NSD1: variants seen among roughly 807,000 people sequenced by gnomAD.
The protein encoded by NSD1 is histone-lysine N-methyltransferase, H3 lysine-36 specific.
NSD1 carries 26 observed loss-of-function variants against 242.7 expected under a neutral mutation model. The ratio of observed to expected loss-of-function variants is 0.11; its 90% CI spans 0.08 to 0.15. NSD1 has a LOEUF of 0.15. NSD1 is among the 10% of genes least tolerant of loss of function. The pLI, the probability that NSD1 is intolerant of heterozygous loss-of-function variation, is 1.00. For missense variants in NSD1, 2,495 were observed against 3,272.8 expected (o/e 0.76, Z 5.80); for synonymous variants, 1,106 against 1,178.1 (o/e 0.94, Z 1.25).
rs191015138 is a variant in NSD1, at chr5:177,223,002, A to G, written c.3796+10807A>G. On this transcript the variant is annotated intron_variant, in intron 5 of 22. Coordinates refer to ENST00000439151, the MANE Select transcript of NSD1 (RefSeq NM_022455.5). ...ATGCATTTTGAATTATTTTTTGTAT[A>G]TGGTGTGAGTGAGGGGTCCAATTTT... Among the ~76,000 whole-genome samples the G allele has an allele frequency of 3.0e-4, 46 of 151,778 alleles. No individual in the cohort carries two copies. The East Asian group carries it at 6.0e-3, about 20-fold the overall frequency.
intron 3 of NSD1, among the ~76,000 whole-genome samples, chr5:177,202,631 T>C (rs554013415): frequency 6.6e-6 from 1 of 152,230 alleles, no homozygotes; most frequent in African/African-American, 2.4e-5. Flanking sequence ...CTCCCACTTC[T>C]GCCTCCCAAA....
chr5:177,174,871 CT>C (rs377543241), intron 2 of NSD1, among the ~76,000 whole-genome samples: 45 of 89,680 alleles, frequency 5.0e-4, no homozygotes, highest in Admixed American at 1.4e-3. Context: ...CCTTATCTGA[CT>C]TTTTTTTTTT....
chr5:177,211,484 A>C lies in NSD1; in HGVS notation c.3085A>C (p.Lys1029Gln). The C allele has an allele frequency of 1.2e-6, 2 of 1,614,156 alleles. No individual in the cohort carries two copies. Among genetic ancestry groups the C allele is most frequent in the Non-Finnish European group, 1.7e-6 (2 of 1,180,026 alleles). The change falls in exon 5 of 23, where the codon AAA becomes CAA. Residue 1029 changes from lysine (K) to glutamine (Q), a missense_variant. By Grantham distance (53) the Lys-to-Gln change is moderately conservative (BLOSUM62 1). This residue lies in a region of NSD1 where 426 missense variants were observed against 411.4 expected (regional missense o/e 1.04). Transcript: ENST00000439151. ...CTGTGGACGATCAAAGCCTTCATCC[A>C]AATTGCGAGATGCTTTTTCAGCCCA... ...RNCGRSKPSS[K>Q]LRDAFSAQMV...
chr5:177,247,211 C>G (rs1400418468), intron 10 of NSD1, among the ~76,000 whole-genome samples: 1 of 152,154 alleles, frequency 6.6e-6, no homozygotes, highest in Non-Finnish European at 1.5e-5. Context: ...GGGAAGATAA[C>G]TTGAGGTTGA....
chr5:177,272,040 C>G (rs1227082977), intron 16 of NSD1, among the ~76,000 whole-genome samples: 1 of 152,106 alleles, frequency 6.6e-6, no homozygotes, highest in East Asian at 1.9e-4. Context: ...AGGAAAATCG[C>G]TGGAACCCGG....
intron 2 of NSD1, among the ~76,000 whole-genome samples, chr5:177,168,794 C>G: frequency 6.6e-6 from 1 of 152,150 alleles, no homozygotes; most frequent in East Asian, 1.9e-4. Context: ...AAAATCCATG[C>G]TTCAGGATTT....
intron 5 of NSD1, among the ~76,000 whole-genome samples, chr5:177,231,515 C>T (rs1393728274): frequency 1.3e-5 from 2 of 152,126 alleles, no homozygotes; most frequent in African/African-American, 2.4e-5. Context: ...ACAACCTCCA[C>T]CTTCCAGGTT....
At chr5:177,206,632 G>A (rs1011400191) in intron 4 of NSD1, among the ~76,000 whole-genome samples, 1 of 152,134 alleles carries the variant, frequency 6.6e-6, no homozygotes, top group African/African-American at 2.4e-5. Context: ...TACAATTGAT[G>A]CTTTAGAAAC....
chr5:177,212,407 G>A (rs1043362788), intron 5 of NSD1, among the ~76,000 whole-genome samples: 2 of 151,480 alleles, frequency 1.3e-5, no homozygotes, highest in African/African-American at 2.4e-5. Flanking sequence ...TTTACCAGAA[G>A]CCCTTTTCCC....
chr5:177,192,201 G>GTT (rs879690428), intron 3 of NSD1, among the ~76,000 whole-genome samples, 182 bp downstream of exon 3: 3 of 144,914 alleles, frequency 2.1e-5, no homozygotes, highest in Admixed American at 6.9e-5. Flanking sequence ...CCTTCTCTCA[G>GTT]TTTTTTTTTT....
Position 177,294,995 on chromosome 5 carries a change from C to A in NSD1, c.7627C>A (p.Pro2543Thr). 6.2e-7 allele frequency: 1 copy of A among 1,614,246 alleles called. No individual in the cohort carries two copies. The highest frequency in any genetic ancestry group is 8.5e-7 in the Non-Finnish European group (1 of 1,180,038). The change falls in exon 23 of 23, where the codon CCT becomes ACT. Residue 2543 changes from proline (P) to threonine (T), a missense_variant. Transcript: ENST00000439151. ...LTQARLLSQPPAKAFLYEPTT... is the reference protein window; with the variant it reads ...LTQARLLSQPTAKAFLYEPTT... ...CCAGGCCAGACTTCTTTCTCAGCCTCCTGCCAAGGCCTTTTTATATGAGCC... is the reference window on the plus strand; with the variant it reads ...CCAGGCCAGACTTCTTTCTCAGCCTACTGCCAAGGCCTTTTTATATGAGCC...
chr5:177,174,579 A>G (rs541813932), intron 2 of NSD1, among the ~76,000 whole-genome samples: 1 of 150,850 alleles, frequency 6.6e-6, no homozygotes, highest in East Asian at 2.0e-4. Flanking sequence ...TTTTTTTGAC[A>G]CGGAGTCTTG....
At chr5:177,235,122 G>A (rs1765341659) in intron 5 of NSD1, among the ~76,000 whole-genome samples, 1 of 152,200 alleles carries the variant, frequency 6.6e-6, no homozygotes, top group Non-Finnish European at 1.5e-5. Context: ...TTGCCTGTCA[G>A]TAGCACATAA....
chr5:177,158,025 C>T (rs1758280528), intron 2 of NSD1, among the ~76,000 whole-genome samples: 1 of 152,132 alleles, frequency 6.6e-6, no homozygotes, highest in African/African-American at 2.4e-5. Flanking sequence ...TTGTTTCTTC[C>T]ACTTTGTGGC....
intron 8 of NSD1, among the ~76,000 whole-genome samples, chr5:177,240,543 C>G (rs1419260409): frequency 1.3e-5 from 2 of 152,142 alleles, no homozygotes; most frequent in Admixed American, 6.5e-5. Context: ...GAAACCCCCT[C>G]TCTACTAAAA....
chr5:177,252,429 T>C (rs1055852031), intron 12 of NSD1, among the ~76,000 whole-genome samples: 1 of 149,874 alleles, frequency 6.7e-6, no homozygotes, highest in Non-Finnish European at 1.5e-5. Context: ...ACCAAAAAAG[T>C]AAAAAGATTA....
At chr5:177,190,139 G>T (rs1761546835) in intron 2 of NSD1, among the ~76,000 whole-genome samples, 1 of 151,932 alleles carries the variant, frequency 6.6e-6, no homozygotes, top group Non-Finnish European at 1.5e-5. Context: ...TAAATTTTTT[G>T]TAGAGACTGG....
At chr5:177,254,107 C>G (rs1048509196) in intron 12 of NSD1, among the ~76,000 whole-genome samples, 31 of 152,114 alleles carry the variant, frequency 2.0e-4, no homozygotes, top group African/African-American at 7.5e-4. Context: ...GCCACCACTC[C>G]TGGCTAATTT....
At chr5:177,253,737 A>G (rs551248153) in intron 12 of NSD1, among the ~76,000 whole-genome samples, 1 of 152,016 alleles carries the variant, frequency 6.6e-6, no homozygotes, top group East Asian at 1.9e-4. Context: ...GGCTCAAGCT[A>G]TCCTTCTGGC....
Sources: gnomAD v4.1 joint callset for allele counts (sites outside exome capture counted in the v4.1 genomes callset) on GRCh38, gnomAD v4.1.1 for gene constraint, gnomAD v4.1.1 regional missense constraint, MANE v1.5 for transcripts, NCBI Gene and HGNC (gene_info 2026-07-23, HGNC 2026-07-21) for gene names.